ABCG1: variants seen among roughly 807,000 people sequenced by gnomAD.
The protein encoded by ABCG1 is ATP binding cassette subfamily G member 1.
ABCG1 carries 29 observed loss-of-function variants against 69.2 expected under a neutral mutation model. That is an observed-to-expected ratio of 0.42 (90% CI 0.31 to 0.57). The LOEUF (loss-of-function observed/expected upper bound fraction) is 0.57. Among genes scored for constraint, ABCG1 ranks in the 20% least tolerant of loss-of-function variants. The pLI is 0.15. For synonymous variants in ABCG1, 370 were observed against 374.8 expected (o/e 0.99, Z 0.15); for missense variants, 718 against 898.1 (o/e 0.80, Z 2.56).
intron 2 of ABCG1, among the ~76,000 whole-genome samples, chr21:42,267,209 T>C (rs2068520356): frequency 6.6e-6 from 1 of 152,206 alleles, no homozygotes; most frequent in Non-Finnish European, 1.5e-5. Flanking sequence ...CCTAGCGCTC[T>C]CGCGGGTTCT....
chr21:42,226,086 T>C (rs1719769418), intron 2 of ABCG1, among the ~76,000 whole-genome samples, 172 bp downstream of exon 2: 1 of 152,158 alleles, frequency 6.6e-6, no homozygotes, highest in Non-Finnish European at 1.5e-5. Context: ...TTTCCTCTCC[T>C]ATAAAATGAA....
In ABCG1 at chr21:42,285,813, T is replaced by C. The variant is rs2068928988; in HGVS notation, c.859-67T>C. ...GTTGATTGATTGGTTGATTGATTGA[T>C]TGAGGGCTCCGGTTGCCTTCCGAGG... is the stretch of plus-strand genomic sequence containing the variant. On this transcript the variant is annotated intron_variant, in intron 7 of 14. Coordinates refer to ENST00000398449, the MANE Select transcript of ABCG1 (RefSeq NM_016818.3). 20 of 1,060,156 alleles carry C rather than the reference T, an allele frequency of 1.9e-5. No individual in the cohort carries two copies. In the South Asian group the frequency reaches 2.2e-4, roughly 11 times the overall value. 65.7% of individuals were successfully genotyped at this position (1,060,156 alleles called of 1,614,324 possible). A position where few individuals can be genotyped will look rare whatever the true frequency, so the allele number is the denominator to read the frequency against.
chr21:42,232,502 CA>C (rs1320453877), intron 2 of ABCG1, among the ~76,000 whole-genome samples: 1 of 152,174 alleles, frequency 6.6e-6, no homozygotes, highest in Non-Finnish European at 1.5e-5. Context: ...TTTATTTGGA[CA>C]TGTTAATACT....
intron 4 of ABCG1, among the ~76,000 whole-genome samples, chr21:42,275,112 C>G (rs935745385): frequency 6.6e-6 from 1 of 152,138 alleles, no homozygotes; most frequent in African/African-American, 2.4e-5. Context: ...AAGCTTCTTC[C>G]CCATGGTGTC....
chr21:42,292,645 A>T (rs1208765970), intron 13 of ABCG1, among the ~76,000 whole-genome samples: 1 of 148,780 alleles, frequency 6.7e-6, no homozygotes, highest in Non-Finnish European at 1.5e-5. Flanking sequence ...CACTACACAC[A>T]CACCACACTA....
chr21:42,201,847 C>T, intron 2 of ABCG1: 2 of 1,561,754 alleles, frequency 1.3e-6, no homozygotes. Context: ...GCTGTGGGAG[C>T]TCCTGCGGTG....
chr21:42,270,720 G>A (rs1019326191), intron 2 of ABCG1, among the ~76,000 whole-genome samples: 2 of 152,140 alleles, frequency 1.3e-5, no homozygotes, highest in African/African-American at 4.8e-5. Flanking sequence ...TACTGGCCGA[G>A]GGCTTGGGCA....
intron 5 of ABCG1, 77 bp downstream of exon 5, chr21:42,277,022 A>G: frequency 6.7e-7 from 1 of 1,492,366 alleles, no homozygotes. Context: ...CTGCCGGGGC[A>G]TTTTGGCATT....
At position 42,288,380 on chromosome 21, in the gene ABCG1, C is replaced by T. The variant is rs17114631; in HGVS notation, c.1224+68C>T. 6,585 of 1,190,654 alleles carry T rather than the reference C, an allele frequency of 5.5e-3. 268 individuals are homozygous for T. The African/African-American group carries it at 0.089, about 16-fold the overall frequency. The allele number at this position is 1,190,654 out of a possible 1,614,324, so 73.8% of individuals were successfully genotyped here. On this transcript the variant is annotated intron_variant, in intron 10 of 14. Transcript: ENST00000398449. This position sits in a 1 kb window ranked among gnomAD's most constrained non-coding sequence, Gnocchi z 4.8. ...GGTCATTTTCTCAGACTCGTCCTGA[C>T]GGAATGTGTTCGTTCATTCTCACAT...
chr21:42,283,620 G>A (rs2068855060), intron 6 of ABCG1, among the ~76,000 whole-genome samples: 2 of 151,692 alleles, frequency 1.3e-5, no homozygotes, highest in Admixed American at 1.3e-4. Context: ...GACCACCTGA[G>A]GCACAGCTGC....
chr21:42,286,119 C>A, intron 8 of ABCG1, 125 bp downstream of exon 8: 2 of 702,700 alleles, frequency 2.8e-6, no homozygotes, highest in Non-Finnish European at 5.0e-6. Flanking sequence ...AAGTGTCATC[C>A]AGTTATAAAA....
At chr21:42,251,961 C>G (rs1342637630) in intron 2 of ABCG1, among the ~76,000 whole-genome samples, 1 of 152,244 alleles carries the variant, frequency 6.6e-6, no homozygotes, top group Non-Finnish European at 1.5e-5. Context: ...ACCAGGGAAG[C>G]TCAGGAAGCT....
In ABCG1 at chr21:42,280,815, G is replaced by A. The variant is rs145378818; in HGVS notation, c.589-1459G>A. Among the ~76,000 whole-genome samples, 571 of 152,350 alleles carry A rather than the reference G, an allele frequency of 3.7e-3. 5 individuals carry two copies. Among genetic ancestry groups the A allele is most frequent in the African/African-American group, 0.013 (537 of 41,588 alleles). Reference sequence around the variant, plus strand: ...CAGTCGGCCAAGAGCGTCGCCCAGTGGTTCCAGAAGATCTGGAGGCCTCGT... The same window carrying A: ...CAGTCGGCCAAGAGCGTCGCCCAGTAGTTCCAGAAGATCTGGAGGCCTCGT... On this transcript the variant is annotated intron_variant, in intron 5 of 14. Transcript: ENST00000398449.
chr21:42,263,124 A>G (rs1357914087), intron 2 of ABCG1, among the ~76,000 whole-genome samples: 1 of 152,230 alleles, frequency 6.6e-6, no homozygotes, highest in Non-Finnish European at 1.5e-5. Flanking sequence ...GTAAACATTC[A>G]GTGCCTTCCT....
In ABCG1 at chr21:42,294,577, G is replaced by C. The variant is rs367958969; in HGVS notation, c.1689G>C (p.Pro563=). 8.1e-6 allele frequency: 13 copies of C among 1,614,186 alleles called. No homozygotes were observed. The African/African-American group carries it at 1.5e-4, about 18-fold the overall frequency. ...TCGTGGGCCCAGTGACAGCCATCCCGGTGCTCCTGTTCTCGGGGTTCTTCG... is the reference window on the plus strand; with the variant it reads ...TCGTGGGCCCAGTGACAGCCATCCCCGTGCTCCTGTTCTCGGGGTTCTTCG... ...ATFVGPVTAI[P]VLLFSGFFVS... is the part of the protein sequence containing the mutation. The change falls in exon 14 of 15, where the codon CCG becomes CCC. Residue 563 remains proline (P), a synonymous_variant. Transcript: ENST00000398449.
At chr21:42,284,757 G>T in intron 7 of ABCG1, 74 bp downstream of exon 7, 1 of 1,552,824 alleles carries the variant, frequency 6.4e-7, no homozygotes, top group Non-Finnish European at 8.7e-7. Flanking sequence ...CAAACCCTGG[G>T]TACCCACTGC....
chr21:42,236,910 A>T (rs191098954), intron 2 of ABCG1, among the ~76,000 whole-genome samples: 2 of 152,346 alleles, frequency 1.3e-5, no homozygotes, highest in Non-Finnish European at 2.9e-5. Flanking sequence ...TTTCATATTT[A>T]TCAGCACTCA....
chr21:42,271,574 G>A (rs1475886891), intron 3 of ABCG1, among the ~76,000 whole-genome samples: 1 of 152,202 alleles, frequency 6.6e-6, no homozygotes, highest in African/African-American at 2.4e-5. Context: ...TGGGGCTTGT[G>A]ATGGTCTTAG....
At chr21:42,248,548 TAAC>T (rs1314128943) in intron 2 of ABCG1, among the ~76,000 whole-genome samples, 11 of 152,072 alleles carry the variant, frequency 7.2e-5, no homozygotes, top group Non-Finnish European at 1.3e-4. Flanking sequence ...GCACTGTTCA[TAAC>T]AACAACAAGA....
Sources: gnomAD v4.1 joint callset for allele counts (sites outside exome capture counted in the v4.1 genomes callset) on GRCh38, gnomAD v4.1.1 for gene constraint, Gnocchi (gnomAD v3.1) non-coding constraint, MANE v1.5 for transcripts, NCBI Gene and HGNC (gene_info 2026-07-23, HGNC 2026-07-21) for gene names.